The following GLG1 variants were observed in gnomAD, a reference collection of about 807,000 sequenced individuals.
GLG1 encodes the protein golgi glycoprotein 1.
GLG1 carries 38 observed loss-of-function variants against 160.5 expected under a neutral mutation model. The ratio of observed to expected loss-of-function variants is 0.24; its 90% CI spans 0.18 to 0.31. The LOEUF (loss-of-function observed/expected upper bound fraction) is 0.31. Among genes scored for constraint, GLG1 ranks in the 10% least tolerant of loss-of-function variants. The pLI is 1.00. For missense variants in GLG1, 1,373 were observed against 1,505.2 expected (o/e 0.91, Z 1.45); for synonymous variants, 644 against 543.4 (o/e 1.19, Z -2.57).
rs900244554 is a variant in GLG1, at chr16:74,451,456, T to C, written c.*1711A>G. 2.0e-5 allele frequency: 3 copies of C among 152,210 alleles called. No homozygotes were observed. The highest frequency in any genetic ancestry group is 2.9e-5 in the Non-Finnish European group (2 of 68,060). 9.4% of individuals were successfully genotyped at this position (152,210 alleles called of 1,614,324 possible). On this transcript the variant is annotated 3_prime_UTR_variant, in exon 26 of 26. Coordinates refer to ENST00000422840, the MANE Select transcript of GLG1 (RefSeq NM_001145667.2). Reference sequence around the variant, plus strand: ...TCAGTCAGGTTAGACAAGGAGTAACTTGGATCAACTGATCCACAAACTGAC... The same window carrying C: ...TCAGTCAGGTTAGACAAGGAGTAACCTGGATCAACTGATCCACAAACTGAC...
intron 1 of GLG1, among the ~76,000 whole-genome samples, chr16:74,537,367 C>T (rs1482905933): frequency 1.7e-4 from 26 of 151,950 alleles, no homozygotes; most frequent in Non-Finnish European, 3.2e-4. Flanking sequence ...AAAAACAAAA[C>T]AAAAAACCTC....
intron 1 of GLG1, among the ~76,000 whole-genome samples, chr16:74,601,564 T>C (rs923823197): frequency 6.6e-6 from 1 of 152,178 alleles, no homozygotes; most frequent in African/African-American, 2.4e-5. Flanking sequence ...ATGGATTCAA[T>C]ATAAATATCA....
chr16:74,536,096 TAAAG>T (rs1230164077), intron 1 of GLG1, among the ~76,000 whole-genome samples: 3 of 152,176 alleles, frequency 2.0e-5, no homozygotes, highest in Admixed American at 6.5e-5. Flanking sequence ...AGTCATGTGA[TAAAG>T]AACCAATGAA....
intron 2 of GLG1, among the ~76,000 whole-genome samples, chr16:74,511,653 G>T (rs1419636068): frequency 2.0e-5 from 3 of 150,050 alleles, no homozygotes; most frequent in African/African-American, 7.3e-5. Flanking sequence ...CAAAAATTTA[G>T]GACAAACAGT....
intron 2 of GLG1, 73 bp from the exon 3 acceptor site, chr16:74,508,998 A>T (rs1203290399): frequency 4.3e-6 from 3 of 701,050 alleles, no homozygotes; most frequent in Non-Finnish European, 5.1e-6. Flanking sequence ...TATCAACGTT[A>T]AATGACAAAA....
intron 5 of GLG1, among the ~76,000 whole-genome samples, chr16:74,495,216 C>T (rs2016142567): frequency 6.7e-6 from 1 of 149,150 alleles, no homozygotes; most frequent in East Asian, 2.0e-4. Context: ...TGGGTTCAAG[C>T]AATTCTCCTG....
chr16:74,563,505 G>A (rs1279257253), intron 1 of GLG1, among the ~76,000 whole-genome samples: 1 of 152,118 alleles, frequency 6.6e-6, no homozygotes, highest in Non-Finnish European at 1.5e-5. Context: ...GAGGTGGGCA[G>A]ATCACTTGAG....
At chr16:74,489,614 C>CA (rs1243200623) in intron 8 of GLG1, among the ~76,000 whole-genome samples, 1 of 152,136 alleles carries the variant, frequency 6.6e-6, no homozygotes, top group Non-Finnish European at 1.5e-5. Flanking sequence ...AGAGGTTTCC[C>CA]AAGGAAGTCA....
chr16:74,591,330 C>CG (rs1958179433), intron 1 of GLG1, among the ~76,000 whole-genome samples: 1 of 133,762 alleles, frequency 7.5e-6, no homozygotes, highest in African/African-American at 2.8e-5. Flanking sequence ...GACTCCATCT[C>CG]AAAAAAAAAA....
At chr16:74,500,478 A>C (rs1156952969) in intron 4 of GLG1, among the ~76,000 whole-genome samples, 1 of 145,874 alleles carries the variant, frequency 6.9e-6, no homozygotes, top group African/African-American at 2.5e-5. Context: ...AAAAAAAAAC[A>C]AAAAAAAAAA....
intron 1 of GLG1, among the ~76,000 whole-genome samples, chr16:74,589,679 G>C (rs1958131034): frequency 6.6e-6 from 1 of 152,152 alleles, no homozygotes; most frequent in African/African-American, 2.4e-5. Flanking sequence ...TCCACAAGAG[G>C]AAGGGAAACA....
At chr16:74,595,867 T>TA (rs1958288080) in intron 1 of GLG1, among the ~76,000 whole-genome samples, 1 of 152,238 alleles carries the variant, frequency 6.6e-6, no homozygotes, top group African/African-American at 2.4e-5. Flanking sequence ...CTCACGCTTG[T>TA]AATCCCAGCA....
rs11149722 is a variant in GLG1, at chr16:74,449,751, A to T, written c.*3416T>A. On this transcript the variant is annotated 3_prime_UTR_variant, in exon 26 of 26. Coordinates refer to ENST00000422840, the MANE Select transcript of GLG1 (RefSeq NM_001145667.2). ...TCCTAGCTTTGAAGGATGCACTAAC[A>T]CAGAACTGCAGCTGGGGGTGGTAGC... 0.3 allele frequency: 45,380 copies of T among 152,330 alleles called. 6,906 individuals are homozygous for T. Among genetic ancestry groups the T allele is most frequent in the Middle Eastern group, 0.39 (116 of 294 alleles). The allele number at this position is 152,330 out of a possible 1,614,324, so 9.4% of individuals were successfully genotyped here. A position where few individuals can be genotyped will look rare whatever the true frequency, so the allele number is the denominator to read the frequency against.
rs201998866 is a variant in GLG1 at position 74,465,770 on chromosome 16, C to T, written c.2573G>A (p.Arg858His). The T allele has an allele frequency of 2.1e-5, 34 of 1,613,138 alleles. No homozygotes were observed. The highest frequency in any genetic ancestry group is 2.6e-5 in the Non-Finnish European group (31 of 1,179,244). ...CAGCTTAAATACTTTTTGGTGGCAGCGGGTGCTTAGCTGCTTCTTGTTTTC... is the reference window on the plus strand; with the variant it reads ...CAGCTTAAATACTTTTTGGTGGCAGTGGGTGCTTAGCTGCTTCTTGTTTTC... ...LKENKKQLST[R>H]CHQKVFKLQE... The change falls in exon 19 of 26, where the codon CGC becomes CAC. Residue 858 changes from arginine (R) to histidine (H), a missense_variant. Arg to His is a conservative substitution (Grantham distance 29, BLOSUM62 0). Coordinates refer to ENST00000422840, the MANE Select transcript of GLG1 (RefSeq NM_001145667.2).
intron 3 of GLG1, among the ~76,000 whole-genome samples, chr16:74,504,281 A>G (rs2016518883): frequency 6.6e-6 from 1 of 152,124 alleles, no homozygotes; most frequent in Non-Finnish European, 1.5e-5. Flanking sequence ...ACTTCTTGAC[A>G]TGACATTATT....
chr16:74,471,176 C>T lies in GLG1; in HGVS notation c.2226G>A (p.Gln742=), dbSNP rs1283272859. The T allele has an allele frequency of 6.4e-7, 1 of 1,568,364 alleles. No individual in the cohort carries two copies. The highest frequency in any genetic ancestry group is 1.1e-5 in the South Asian group (1 of 90,228). Residue 742 remains glutamine, a synonymous_variant, in exon 15 of 26, where the codon CAG becomes CAA. Transcript: ENST00000422840. ...TTGGCAGCCAGGTGTCACTGACCAG[C>T]TGGAAGTGGGTAACTCCGATGGCAC... The part of the protein sequence containing the change: ...EKCAIGVTHF[Q]LVQMKDFRFS...
chr16:74,576,175 C>T (rs111330729), intron 1 of GLG1, among the ~76,000 whole-genome samples: 3,553 of 151,476 alleles, frequency 0.023, 136 homozygotes, highest in African/African-American at 0.081. Context: ...CCAGTCTGCG[C>T]GACAGAGCGA....
intron 1 of GLG1, among the ~76,000 whole-genome samples, chr16:74,603,809 T>C (rs1958500841): frequency 6.6e-6 from 1 of 152,148 alleles, no homozygotes; most frequent in Admixed American, 6.6e-5. Context: ...TATTTTTTCT[T>C]TTCTGCCTTA....
At chr16:74,482,029 C>A (rs2015618400) in intron 10 of GLG1, among the ~76,000 whole-genome samples, 1 of 152,162 alleles carries the variant, frequency 6.6e-6, no homozygotes, top group Non-Finnish European at 1.5e-5. Context: ...CCCTTGTTCT[C>A]CTCCCACCTC....
Sources: allele counts gnomAD v4.1 joint callset (sites outside exome capture counted in the v4.1 genomes callset), GRCh38; gene constraint gnomAD v4.1.1; transcripts MANE v1.5; gene names NCBI Gene and HGNC (gene_info 2026-07-23, HGNC 2026-07-21).